ZNF221: variants seen among roughly 807,000 people sequenced by gnomAD.
The protein encoded by ZNF221 is zinc finger protein 221.
Under a neutral mutation model 12.6 loss-of-function variants are expected in ZNF221, and 10 were observed. The observed-to-expected ratio is 0.79, with a 90% confidence interval of 0.49 to 1.34. ZNF221 has a LOEUF of 1.34. Ranked by LOEUF, ZNF221 falls within the 40% of genes most tolerant of loss-of-function variation. ZNF221 has a pLI of 0.00. For synonymous variants in ZNF221, 232 were observed against 244.0 expected (o/e 0.95, Z 0.46); for missense variants, 661 against 721.4 (o/e 0.92, Z 0.96).
chr19:43,956,323 C>T (rs1434873639), intron 1 of ZNF221, among the ~76,000 whole-genome samples: 1 of 152,092 alleles, frequency 6.6e-6, no homozygotes, highest in Non-Finnish European at 1.5e-5. Flanking sequence ...TCAGGAGAAA[C>T]GTTCCCTAGT....
chr19:43,959,303 C>T (rs991211419), intron 1 of ZNF221, among the ~76,000 whole-genome samples: 1 of 152,186 alleles, frequency 6.6e-6, no homozygotes, highest in African/African-American at 2.4e-5. Flanking sequence ...CTTAGAGGTA[C>T]TTACTGTTGT....
downstream of ZNF221, among the ~76,000 whole-genome samples, chr19:43,968,587 G>C (rs1975028088): frequency 1.3e-5 from 2 of 152,350 alleles, no homozygotes; most frequent in Non-Finnish European, 1.5e-5. Flanking sequence ...ACCTGGGATA[G>C]ACCAAGATGG....
At position 43,966,400 on chromosome 19, in the gene ZNF221, C is replaced by T. The variant is rs1434253981; in HGVS notation, c.898C>T (p.His300Tyr). ...AFIHDSQLQEHQRIHTGEKPF... is the reference protein window; with the variant it reads ...AFIHDSQLQEYQRIHTGEKPF... ...CATTCATGATTCACAGCTTCAAGAA[C>T]ATCAGAGAATCCATACTGGGGAGAA... Residue 300 changes from histidine to tyrosine, a missense_variant, in exon 5 of 5, where the codon CAT (histidine) becomes TAT (tyrosine). His to Tyr is a moderately conservative substitution (Grantham distance 83, BLOSUM62 2). Coordinates refer to ENST00000587682, the MANE Select transcript of ZNF221 (RefSeq NM_001297588.2). 3 of 1,613,856 alleles carry T rather than the reference C, an allele frequency of 1.9e-6. No homozygotes were observed. Among genetic ancestry groups the T allele is most frequent in the Admixed American group, 3.3e-5 (2 of 59,988 alleles).
chr19:43,981,444 G>T, the ZNF221 span, among the ~76,000 whole-genome samples: 1 of 152,086 alleles, frequency 6.6e-6, no homozygotes, highest in Non-Finnish European at 1.5e-5. Flanking sequence ...CTCTTCTGAT[G>T]TATCTTCAAC....
chr19:43,962,604 G>A lies in ZNF221; in HGVS notation c.-2-121G>A, dbSNP rs909010582. On this transcript the variant is annotated intron_variant, in intron 1 of 4. Coordinates refer to ENST00000587682, the MANE Select transcript of ZNF221 (RefSeq NM_001297588.2). Reference sequence around the variant, plus strand: ...GCATTTTGCTTGTTTGCAGTTTGGGGTTATGAGTAATGCTGCTATGAACAT... The same window carrying A: ...GCATTTTGCTTGTTTGCAGTTTGGGATTATGAGTAATGCTGCTATGAACAT... 7.2e-6 allele frequency: 7 copies of A among 969,162 alleles called. No homozygotes were observed. In the Admixed American group the frequency reaches 9.5e-5, roughly 13 times the overall value. The allele number at this position is 969,162 out of a possible 1,614,324, so 60.0% of individuals were successfully genotyped here. A position where few individuals can be genotyped will look rare whatever the true frequency, so the allele number is the denominator to read the frequency against.
intron 1 of ZNF221, among the ~76,000 whole-genome samples, chr19:43,955,308 A>T (rs550562717): frequency 1.3e-5 from 2 of 152,174 alleles, no homozygotes; most frequent in East Asian, 3.9e-4. Context: ...ATTTTTGCTG[A>T]CAAACAGAAC....
downstream of ZNF221, among the ~76,000 whole-genome samples, chr19:43,971,014 A>G (rs1975086545): frequency 6.6e-6 from 1 of 152,206 alleles, no homozygotes; most frequent in Non-Finnish European, 1.5e-5. Context: ...GTCAGAGAGA[A>G]TGAAAGGTCA....
At chr19:43,970,032 C>T (rs937933471), downstream of ZNF221, among the ~76,000 whole-genome samples, 2 of 152,138 alleles carry the variant, frequency 1.3e-5, no homozygotes, top group African/African-American at 4.8e-5. Flanking sequence ...GGTCAGTATC[C>T]CCCTGGGACA....
chr19:43,979,209 GCTC>G, the ZNF221 span, among the ~76,000 whole-genome samples: 3 of 151,890 alleles, frequency 2.0e-5, no homozygotes, highest in Admixed American at 6.6e-5. Context: ...AAGCATACTT[GCTC>G]CTAACAGGAT....
the ZNF221 span, among the ~76,000 whole-genome samples, chr19:43,979,555 A>G: frequency 1.3e-5 from 2 of 152,050 alleles, no homozygotes; most frequent in Non-Finnish European, 2.9e-5. Context: ...TTAAAAGTAG[A>G]GCTGAAGCTT....
At chr19:43,963,048 T>C (rs981072099) in intron 2 of ZNF221, among the ~76,000 whole-genome samples, 5 of 152,264 alleles carry the variant, frequency 3.3e-5, no homozygotes, top group Admixed American at 6.5e-5. Context: ...TTCACTTCAC[T>C]ACTTCTCTGC....
chr19:43,967,166 T>G lies in ZNF221; in HGVS notation c.1664T>G (p.Val555Gly). The change falls in exon 5 of 5, where the codon GTC becomes GGC. Residue 555 changes from valine (V) to glycine (G), a missense_variant. By Grantham distance (109) the Val-to-Gly change is moderately radical (BLOSUM62 -3). Coordinates refer to ENST00000587682, the MANE Select transcript of ZNF221 (RefSeq NM_001297588.2). The stretch of plus-strand genomic sequence containing the variant: ...TTTAATCTTGACATGCACCAGAGGG[T>G]CCACGGGGGAGAGCGACCCTATAAT... ...SKFNLDMHQR[V>G]HGGERPYNCK... The G allele has an allele frequency of 1.9e-6, 3 of 1,591,078 alleles. No individual in the cohort carries two copies. The highest frequency in any genetic ancestry group is 2.6e-6 in the Non-Finnish European group (3 of 1,165,006).
At chr19:43,956,567 G>GT (rs537246192) in intron 1 of ZNF221, among the ~76,000 whole-genome samples, 542 of 8,622 alleles carry the variant, frequency 0.063, 5 homozygotes, top group African/African-American at 0.067. Flanking sequence ...AAGGACCCTG[G>GT]CTCTTGTCAA....
At position 43,966,020 on chromosome 19, in the gene ZNF221, A is replaced by G. The variant is rs755842898; in HGVS notation, c.518A>G (p.Asn173Ser). ...GTGCAACAGAAACCTTACCGTTGTAATGAATGTAAACAGTCCTTCAGTGAT... is the reference window on the plus strand; with the variant it reads ...GTGCAACAGAAACCTTACCGTTGTAGTGAATGTAAACAGTCCTTCAGTGAT... ...SHVQQKPYRC[N>S]ECKQSFSDVS... Residue 173 changes from asparagine to serine, a missense_variant, in exon 5 of 5, where the codon AAT becomes AGT. By Grantham distance (46) the Asn-to-Ser change is conservative. Transcript: ENST00000587682. 1 of 1,614,234 alleles carries G rather than the reference A, an allele frequency of 6.2e-7. No homozygotes were observed. The highest frequency in any genetic ancestry group is 1.1e-5 in the South Asian group (1 of 91,088).
intron 2 of ZNF221, among the ~76,000 whole-genome samples, chr19:43,963,111 G>C (rs1974875182): frequency 1.3e-5 from 2 of 152,022 alleles, no homozygotes; most frequent in Non-Finnish European, 2.9e-5. Flanking sequence ...ATTCATAACT[G>C]TATTTTTATT....
intron 1 of ZNF221, among the ~76,000 whole-genome samples, chr19:43,958,979 G>GT (rs1477128077): frequency 2.2e-5 from 1 of 45,852 alleles, no homozygotes; most frequent in African/African-American, 6.3e-5. Context: ...AGACTATTGG[G>GT]TTTTTGGTTG....
the ZNF221 span, among the ~76,000 whole-genome samples, chr19:43,979,719 A>G: frequency 6.6e-6 from 1 of 152,182 alleles, no homozygotes; most frequent in African/African-American, 2.4e-5. Context: ...AATCATTTGT[A>G]TATGTCATAT....
rs1974955650 is a variant in ZNF221 at position 43,966,366 on chromosome 19, G to T, written c.864G>T (p.Gly288=). Reference sequence around the variant, plus strand: ...AACCTTATAATTGTGAGGAATGTGGGAAAGCCTTCATTCATGATTCACAGC... The same window carrying T: ...AACCTTATAATTGTGAGGAATGTGGTAAAGCCTTCATTCATGATTCACAGC... ...GEKPYNCEEC[G]KAFIHDSQLQ... Residue 288 remains glycine, a synonymous_variant, in exon 5 of 5, where the codon GGG becomes GGT. Coordinates refer to ENST00000587682, the MANE Select transcript of ZNF221 (RefSeq NM_001297588.2). 6.2e-7 allele frequency: 1 copy of T among 1,613,932 alleles called. No individual in the cohort carries two copies. Among genetic ancestry groups the T allele is most frequent in the African/African-American group, 1.3e-5 (1 of 74,896 alleles).
the ZNF221 span, among the ~76,000 whole-genome samples, chr19:43,973,337 A>C: frequency 5.9e-5 from 9 of 152,190 alleles, no homozygotes; most frequent in African/African-American, 2.2e-4. Flanking sequence ...GAAAACTGGC[A>C]CAAGACAAGG....
Sources: gnomAD v4.1 joint callset for allele counts (sites outside exome capture counted in the v4.1 genomes callset) on GRCh38, gnomAD v4.1.1 for gene constraint, MANE v1.5 for transcripts, NCBI Gene and HGNC (gene_info 2026-07-23, HGNC 2026-07-21) for gene names.